ABLIM1: variants seen among roughly 807,000 people sequenced by gnomAD.
ABLIM1 encodes the protein actin binding LIM protein 1, also known as actin-binding LIM protein 1.
A neutral mutation model predicts 107.0 loss-of-function variants in ABLIM1; 40 were observed. That is an observed-to-expected ratio of 0.37 (90% confidence interval 0.29 to 0.49). The LOEUF is 0.49. Among genes scored for constraint, ABLIM1 ranks in the 20% least tolerant of loss-of-function variants. The pLI is 0.97. For synonymous variants in ABLIM1, 357 were observed against 357.3 expected, an observed-to-expected ratio of 1.00 and a Z score of 0.01; for missense variants, 857 against 1,008.5, an observed-to-expected ratio of 0.85 and a Z score of 2.04.
intron 11 of ABLIM1, among the ~76,000 whole-genome samples, chr10:114,466,074 T>C (rs2065083025): frequency 6.6e-6 from 1 of 152,214 alleles, no homozygotes; most frequent in South Asian, 2.1e-4. Flanking sequence ...GTGTGGTGGC[T>C]CACACCTGTG....
chr10:114,674,096 C>A (rs982616699), intron 1 of ABLIM1, among the ~76,000 whole-genome samples: 3 of 151,956 alleles, frequency 2.0e-5, no homozygotes, highest in African/African-American at 7.3e-5. Context: ...TCGAGACCAG[C>A]CTGGCCAACA....
At chr10:114,616,029 A>AT (rs1173349347) in intron 1 of ABLIM1, among the ~76,000 whole-genome samples, 1 of 152,050 alleles carries the variant, frequency 6.6e-6, no homozygotes, top group African/African-American at 2.4e-5. Flanking sequence ...ATATTTATTT[A>AT]TTTTTTATCA....
At chr10:114,474,404 G>A (rs1272250879) in intron 8 of ABLIM1, among the ~76,000 whole-genome samples, 5 of 105,774 alleles carry the variant, frequency 4.7e-5, no homozygotes, top group African/African-American at 1.9e-4. Context: ...TTTTTGAGAC[G>A]GAGTCTCACT....
At chr10:114,725,866 T>C (rs2081948576) in intron 1 of ABLIM1, among the ~76,000 whole-genome samples, 1 of 151,746 alleles carries the variant, frequency 6.6e-6, no homozygotes, top group Admixed American at 6.6e-5. Flanking sequence ...TACCTCAGCC[T>C]CTCAGAGCAG....
chr10:114,464,414 G>A (rs2064689131), intron 12 of ABLIM1, among the ~76,000 whole-genome samples: 2 of 152,040 alleles, frequency 1.3e-5, no homozygotes, highest in Non-Finnish European at 1.5e-5. Context: ...TTGAACTCTT[G>A]ACCTCAGGTG....
At position 114,633,516 on chromosome 10, in the gene ABLIM1, G is replaced by A. The variant is rs375346300; in HGVS notation, c.244+24441C>T. Among the ~76,000 whole-genome samples the A allele has an allele frequency of 1.3e-4, 20 of 152,234 alleles. 1 individual carries two copies. The South Asian group carries it at 4.1e-3, about 32-fold the overall frequency. On this transcript the variant is annotated intron_variant, in intron 1 of 22. Transcript: ENST00000533213. Reference sequence around the variant, plus strand: ...CCAGCCCCTGGGTTGTCTTTTCTATGACAACATACTTCGCCCACACCACTC... The same window carrying A: ...CCAGCCCCTGGGTTGTCTTTTCTATAACAACATACTTCGCCCACACCACTC...
intron 1 of ABLIM1, among the ~76,000 whole-genome samples, chr10:114,699,461 T>C (rs2081264533): frequency 6.6e-6 from 1 of 152,072 alleles, no homozygotes; most frequent in Non-Finnish European, 1.5e-5. Flanking sequence ...TTAAAATATA[T>C]AAACCTTGAC....
chr10:114,617,731 C>A (rs530832915), intron 1 of ABLIM1, among the ~76,000 whole-genome samples: 1 of 152,184 alleles, frequency 6.6e-6, no homozygotes, highest in African/African-American at 2.4e-5. Context: ...TTGAAATTTT[C>A]GCACACTATT....
At chr10:114,462,922 G>A (rs960662311) in intron 12 of ABLIM1, 12 of 1,079,824 alleles carry the variant, frequency 1.1e-5, no homozygotes, top group African/African-American at 1.6e-5. Flanking sequence ...CATGACACAC[G>A]CAGGCATGCT....
intron 1 of ABLIM1, among the ~76,000 whole-genome samples, chr10:114,747,400 T>G (rs553816985): frequency 6.6e-6 from 1 of 152,336 alleles, no homozygotes; most frequent in Non-Finnish European, 1.5e-5. Context: ...TGTGTGTGCC[T>G]GTCTCTCCGC....
chr10:114,701,140 A>G lies in ABLIM1; in HGVS notation c.-213+66921T>C, dbSNP rs988096202. Among the ~76,000 whole-genome samples the G allele has an allele frequency of 1.3e-5, 2 of 152,304 alleles. 1 individual carries two copies. Among genetic ancestry groups the G allele is most frequent in the South Asian group, 4.1e-4 (2 of 4,824 alleles). ...CAGAGGGGTAGAGAGACTTGAATAGATACTTCACAAGGTTAGATATGCAAA... is the reference window on the plus strand; with the variant it reads ...CAGAGGGGTAGAGAGACTTGAATAGGTACTTCACAAGGTTAGATATGCAAA... On this transcript the variant is annotated intron_variant, in intron 1 of 15. Transcript: ENST00000651092.
At chr10:114,467,925 T>G (rs2065536231) in intron 11 of ABLIM1, among the ~76,000 whole-genome samples, 1 of 152,234 alleles carries the variant, frequency 6.6e-6, no homozygotes. Context: ...GCAGACACTT[T>G]GCTTCCACTT....
chr10:114,542,487 TGAAAGAAGAAGGAAGAAAGAA>T (rs961354115), intron 6 of ABLIM1, among the ~76,000 whole-genome samples: 11 of 97,654 alleles, frequency 1.1e-4, no homozygotes, highest in Non-Finnish European at 1.7e-4. Context: ...GGAAGAAAGA[TGAAAGAAGAAGGAAGAAAGAA>T]GAAATTAGAA....
intron 1 of ABLIM1, among the ~76,000 whole-genome samples, chr10:114,637,585 C>G (rs141155795): frequency 7.4e-4 from 112 of 152,266 alleles, no homozygotes; most frequent in African/African-American, 2.6e-3. Flanking sequence ...TTTTCAAAAG[C>G]CAGTTCTGAG....
intron 2 of ABLIM1, among the ~76,000 whole-genome samples, chr10:114,594,727 A>C (rs182682619): frequency 3.0e-4 from 45 of 152,262 alleles, no homozygotes; most frequent in Non-Finnish European, 4.9e-4. Flanking sequence ...TCCAGCCTGG[A>C]CAACAGAGTG....
intron 1 of ABLIM1, among the ~76,000 whole-genome samples, chr10:114,732,177 T>C (rs2082087980): frequency 6.8e-6 from 1 of 146,892 alleles, no homozygotes; most frequent in Admixed American, 6.8e-5. Flanking sequence ...TTTCTTTTCT[T>C]TTCTTTTTTT....
chr10:114,681,496 A>G (rs920985548), intron 1 of ABLIM1, among the ~76,000 whole-genome samples: 1 of 152,176 alleles, frequency 6.6e-6, no homozygotes, highest in Non-Finnish European at 1.5e-5. Flanking sequence ...CGCCTGGCCT[A>G]AACCATTTAA....
the ABLIM1 span, among the ~76,000 whole-genome samples, chr10:114,788,343 A>AT: frequency 2.1e-4 from 15 of 71,948 alleles, no homozygotes; most frequent in East Asian, 7.3e-3. Flanking sequence ...ATAAAAAAAA[A>AT]AAAAATAAAT....
chr10:114,472,488 G>A (rs2046604396), intron 10 of ABLIM1, among the ~76,000 whole-genome samples: 1 of 152,162 alleles, frequency 6.6e-6, no homozygotes, highest in African/African-American at 2.4e-5. Context: ...ATTCCAGAAT[G>A]CTGGCTCACA....
Sources: allele counts gnomAD v4.1 joint callset (sites outside exome capture counted in the v4.1 genomes callset), GRCh38; gene constraint gnomAD v4.1.1; transcripts MANE v1.5; gene names NCBI Gene and HGNC (gene_info 2026-07-23, HGNC 2026-07-21).